CAND2: variants seen among roughly 807,000 people sequenced by gnomAD.
CAND2 encodes the protein cullin-associated NEDD8-dissociated protein 2.
CAND2 carries 62 observed loss-of-function variants against 98.9 expected under a neutral mutation model. That is an observed-to-expected ratio of 0.63 (90% CI 0.51 to 0.77). The LOEUF is 0.77. Among genes scored for constraint, CAND2 ranks in the 30% least tolerant of loss-of-function variants. The pLI is 0.00. For missense variants in CAND2, 1,501 were observed against 1,655.2 expected (o/e 0.91, Z 1.62); for synonymous variants, 770 against 731.9 (o/e 1.05, Z -0.84).
chr3:12,805,878 C>T (rs1466900316), intron 2 of CAND2, among the ~76,000 whole-genome samples: 5 of 152,158 alleles, frequency 3.3e-5, no homozygotes, highest in Non-Finnish European at 5.9e-5. Flanking sequence ...TGCTTCTCAA[C>T]CCCTTAAAGG....
intron 9 of CAND2, 37 bp downstream of exon 9, chr3:12,816,045 G>A (rs755245571): frequency 1.3e-6 from 2 of 1,595,834 alleles, no homozygotes; most frequent in Non-Finnish European, 8.6e-7. Flanking sequence ...GCTGTTCTGG[G>A]CCACTTCCAG....
chr3:12,820,388 G>C (rs1270558444), intron 11 of CAND2, among the ~76,000 whole-genome samples: 1 of 152,210 alleles, frequency 6.6e-6, no homozygotes, highest in Non-Finnish European at 1.5e-5. Flanking sequence ...GGTGGGTGTG[G>C]CATGCCCATC....
chr3:12,810,421 A>T (rs3821607), intron 5 of CAND2, 97 bp downstream of exon 5: 14 of 1,130,926 alleles, frequency 1.2e-5, no homozygotes, highest in Admixed American at 8.6e-5. Context: ...GCCGCAGTGC[A>T]GCCAGGGCCT....
intron 11 of CAND2, among the ~76,000 whole-genome samples, chr3:12,824,148 A>T (rs573605571): frequency 2.1e-4 from 32 of 151,958 alleles, no homozygotes; most frequent in Admixed American, 1.7e-3. Context: ...CTCTAAAAAA[A>T]TTTTTTTTTC....
chr3:12,811,551 C>T (rs969002186), intron 5 of CAND2, among the ~76,000 whole-genome samples: 3 of 152,188 alleles, frequency 2.0e-5, no homozygotes, highest in East Asian at 1.9e-4. Context: ...AGTGCCTGCT[C>T]GTGTAGAACC....
At chr3:12,808,443 C>T (rs1172666353) in intron 4 of CAND2, 110 bp downstream of exon 4, 13 of 1,205,328 alleles carry the variant, frequency 1.1e-5, no homozygotes, top group African/African-American at 1.5e-5. Context: ...GCTTGGGGCT[C>T]CTTAATCATC....
At chr3:12,810,770 AT>A (rs1258216816) in intron 5 of CAND2, among the ~76,000 whole-genome samples, 1 of 152,246 alleles carries the variant, frequency 6.6e-6, no homozygotes, top group Non-Finnish European at 1.5e-5. Context: ...CCAAGTTTGA[AT>A]TTTTAAGAAA....
intron 11 of CAND2, among the ~76,000 whole-genome samples, chr3:12,821,084 A>G (rs1430944628): frequency 6.6e-6 from 1 of 152,060 alleles, no homozygotes; most frequent in Non-Finnish European, 1.5e-5. Flanking sequence ...AAATACAAAA[A>G]TGAGCCGGGT....
rs531439250 is a variant in CAND2 at position 12,812,221 on chromosome 3, C to CTTTTT, written c.758-754_758-750dup. Among the ~76,000 whole-genome samples, 85 of 74,510 alleles carry CTTTTT rather than the reference C, an allele frequency of 1.1e-3. 8 individuals are homozygous for CTTTTT. The highest frequency in any genetic ancestry group is 4.1e-3 in the African/African-American group (71 of 17,400). 48.9% of individuals were successfully genotyped at this position (74,510 alleles called of 152,430 possible). Reference sequence around the variant, plus strand: ...ACCATGCCCGGCCTAAGCTGTTTATCTTTTTTTTTTTTTTTTTTTGGAGAT... The same window carrying CTTTTT: ...ACCATGCCCGGCCTAAGCTGTTTATCTTTTTTTTTTTTTTTTTTTTTTTTGGAGAT... On this transcript the variant is annotated intron_variant, in intron 5 of 14. Transcript: ENST00000456430.
chr3:12,812,219 A>ATTTTTTTTTT (rs1575768881), intron 5 of CAND2, among the ~76,000 whole-genome samples: 2 of 45,656 alleles, frequency 4.4e-5, no homozygotes, highest in Non-Finnish European at 9.4e-5. Context: ...TAAGCTGTTT[A>ATTTTTTTTTT]TCTTTTTTTT....
chr3:12,797,217 C>T (rs967397572), intron 1 of CAND2, among the ~76,000 whole-genome samples: 1 of 147,532 alleles, frequency 6.8e-6, no homozygotes, highest in African/African-American at 2.5e-5. Context: ...TGAAGCCCTA[C>T]GCCTCTCCCT....
rs367859431 is a variant in CAND2 at position 12,817,665 on chromosome 3, G to A, written c.2733G>A (p.Gln911=). Reference sequence around the variant, plus strand: ...AGATCGAGGCTGAGCCCCGACGACAGTACCTGCTGCTGCACTCACTCAGGG... The same window carrying A: ...AGATCGAGGCTGAGCCCCGACGACAATACCTGCTGCTGCACTCACTCAGGG... ...LEQIEAEPRR[Q]YLLLHSLREA... Residue 911 remains glutamine (Q), a synonymous_variant, in exon 10 of 15, where the codon CAG becomes CAA. Transcript: ENST00000456430. 275 of 1,611,344 alleles carry A rather than the reference G, an allele frequency of 1.7e-4. No individual in the cohort carries two copies. Among genetic ancestry groups the A allele is most frequent in the Non-Finnish European group, 2.3e-4 (270 of 1,178,968 alleles).
At chr3:12,818,519 G>T (rs550134479) in intron 10 of CAND2, among the ~76,000 whole-genome samples, 4 of 152,330 alleles carry the variant, frequency 2.6e-5, no homozygotes, top group Non-Finnish European at 2.9e-5. Context: ...TTGGCTTGTC[G>T]TGTTTTGGCA....
intron 12 of CAND2, among the ~76,000 whole-genome samples, chr3:12,826,992 G>A (rs985057366): frequency 7.9e-5 from 12 of 152,078 alleles, no homozygotes; most frequent in Middle Eastern, 3.4e-3. Context: ...CACCATGCCC[G>A]GCTAATTTTT....
At chr3:12,828,407 A>C (rs2062021199) in intron 13 of CAND2, among the ~76,000 whole-genome samples, 1 of 143,014 alleles carries the variant, frequency 7.0e-6, no homozygotes, top group Admixed American at 7.4e-5. Flanking sequence ...GCTTGATCTC[A>C]GCTGACTGCA....
intron 1 of CAND2, among the ~76,000 whole-genome samples, chr3:12,797,377 C>T (rs954530348): frequency 6.6e-6 from 1 of 151,896 alleles, no homozygotes; most frequent in African/African-American, 2.4e-5. Context: ...TCCCCTCCTG[C>T]GATTGTTCAG....
chr3:12,809,219 A>T lies in CAND2; in HGVS notation c.492-840A>T, dbSNP rs556971390. ...TGTGATGGGGTGCACTCCGGGAGCCAGCAGCAGGTGTGTGGGGAGGAAGGT... is the reference window on the plus strand; with the variant it reads ...TGTGATGGGGTGCACTCCGGGAGCCTGCAGCAGGTGTGTGGGGAGGAAGGT... On this transcript the variant is annotated intron_variant, in intron 4 of 14. Transcript: ENST00000456430. Among the ~76,000 whole-genome samples, 40 of 152,174 alleles carry T rather than the reference A, an allele frequency of 2.6e-4. 1 individual carries two copies. In the South Asian group the frequency reaches 8.3e-3, roughly 32 times the overall value.
chr3:12,818,536 G>A (rs1001958434), intron 10 of CAND2, among the ~76,000 whole-genome samples: 4 of 152,234 alleles, frequency 2.6e-5, no homozygotes, highest in Non-Finnish European at 4.4e-5. Flanking sequence ...GGCACACCAG[G>A]TGTCTTAGCT....
At chr3:12,820,442 GA>G (rs2061948318) in intron 11 of CAND2, among the ~76,000 whole-genome samples, 2 of 152,356 alleles carry the variant, frequency 1.3e-5, no homozygotes, top group South Asian at 4.1e-4. Context: ...ATGGGCGTGA[GA>G]AACTCTTATT....
Sources: gnomAD v4.1 joint callset for allele counts (sites outside exome capture counted in the v4.1 genomes callset) on GRCh38, gnomAD v4.1.1 for gene constraint, MANE v1.5 for transcripts, NCBI Gene and HGNC (gene_info 2026-07-23, HGNC 2026-07-21) for gene names.